SGMS1: variants seen among roughly 807,000 people sequenced by gnomAD.
SGMS1 encodes the protein sphingomyelin synthase 1.
Under a neutral mutation model 46.2 loss-of-function variants are expected in SGMS1, and 13 were observed. The observed-to-expected ratio is 0.28, with a 90% CI of 0.18 to 0.45. SGMS1 has a LOEUF of 0.45. Among genes scored for constraint, SGMS1 ranks in the 20% least tolerant of loss-of-function variants. The pLI, the probability that SGMS1 is intolerant of heterozygous loss-of-function variation, is 1.00. For synonymous variants in SGMS1, 203 were observed against 187.8 expected (o/e 1.08, Z -0.66); for missense variants, 324 against 519.9 (o/e 0.62, Z 3.66).
chr10:50,427,116 C>T (rs190845240), intron 6 of SGMS1, among the ~76,000 whole-genome samples: 2 of 152,220 alleles, frequency 1.3e-5, no homozygotes, highest in East Asian at 1.9e-4. Flanking sequence ...AAAGAACTTA[C>T]GGCCGGGCAC....
intron 6 of SGMS1, among the ~76,000 whole-genome samples, chr10:50,378,071 G>A (rs889116845): frequency 7.9e-5 from 12 of 152,180 alleles, no homozygotes; most frequent in Non-Finnish European, 2.9e-5. Flanking sequence ...AATATTTTCA[G>A]TGATTTTGCT....
chr10:50,511,781 A>G (rs983775951), intron 3 of SGMS1, among the ~76,000 whole-genome samples: 1 of 152,062 alleles, frequency 6.6e-6, no homozygotes, highest in African/African-American at 2.4e-5. Flanking sequence ...TGGCTCTGGC[A>G]TGACCCTCTC....
At chr10:50,326,577 T>G (rs1220682956) in intron 8 of SGMS1, among the ~76,000 whole-genome samples, 1 of 152,242 alleles carries the variant, frequency 6.6e-6, no homozygotes, top group Non-Finnish European at 1.5e-5. Flanking sequence ...GCTAATTATT[T>G]CACAGAGTTC....
intron 2 of SGMS1, among the ~76,000 whole-genome samples, chr10:50,534,706 C>G (rs1190575575): frequency 6.6e-6 from 1 of 152,106 alleles, no homozygotes; most frequent in Non-Finnish European, 1.5e-5. Flanking sequence ...TATATTCATG[C>G]AGAAATGCTT....
At chr10:50,510,610 G>GTTT (rs3054271) in intron 3 of SGMS1, among the ~76,000 whole-genome samples, 29,237 of 149,016 alleles carry the variant, frequency 0.2, 3,142 homozygotes, top group Non-Finnish European at 0.25. Context: ...GTATCTCTGT[G>GTTT]TTTTTTTTTT....
At chr10:50,615,295 C>T (rs1211504084) in intron 1 of SGMS1, among the ~76,000 whole-genome samples, 2 of 152,204 alleles carry the variant, frequency 1.3e-5, no homozygotes, top group East Asian at 1.9e-4. Context: ...GCCTCACACA[C>T]CTCAAGAGAG....
In SGMS1 at chr10:50,591,437, T is replaced by A. The variant is rs116131288; in HGVS notation, c.-683-1190A>T. Among the ~76,000 whole-genome samples the A allele has an allele frequency of 7.9e-3, 1,210 of 152,266 alleles. 15 individuals are homozygous for A. Among genetic ancestry groups the A allele is most frequent in the African/African-American group, 0.028 (1,147 of 41,528 alleles). On this transcript the variant is annotated intron_variant, in intron 1 of 10. Coordinates refer to ENST00000361781, the MANE Select transcript of SGMS1 (RefSeq NM_147156.4). ...CCAGGGAGGCAGCCGGGCACTGCAG[T>A]GTGCTCCCTGAAAGCATATATTCAC...
At chr10:50,566,915 T>TTTTTG (rs1031702316) in intron 2 of SGMS1, among the ~76,000 whole-genome samples, 22 of 152,056 alleles carry the variant, frequency 1.4e-4, no homozygotes, top group Non-Finnish European at 4.4e-5. Flanking sequence ...GTTATACTGG[T>TTTTTG]TTTTGTTTTG....
intron 6 of SGMS1, among the ~76,000 whole-genome samples, chr10:50,431,323 T>G (rs1283064090): frequency 2.0e-5 from 3 of 152,196 alleles, no homozygotes; most frequent in African/African-American, 7.2e-5. Context: ...GAAATGAATG[T>G]TTTACAATTA....
intron 6 of SGMS1, among the ~76,000 whole-genome samples, chr10:50,404,148 A>G (rs1025613600): frequency 1.3e-5 from 2 of 152,136 alleles, no homozygotes. Context: ...CACATGAGTG[A>G]GCAGTTTACA....
chr10:50,590,848 G>A (rs1372957546), intron 1 of SGMS1: 1 of 152,118 alleles, frequency 6.6e-6, no homozygotes, highest in Non-Finnish European at 1.5e-5. Context: ...CTCAGTTCCT[G>A]TCGAATCACA....
chr10:50,614,532 C>T (rs544733395), intron 1 of SGMS1, among the ~76,000 whole-genome samples: 2 of 152,350 alleles, frequency 1.3e-5, no homozygotes, highest in African/African-American at 4.8e-5. Flanking sequence ...ATGACAGTAT[C>T]CAGGAACACA....
chr10:50,308,536 C>T (rs967567220), intron 9 of SGMS1, among the ~76,000 whole-genome samples: 6 of 152,018 alleles, frequency 3.9e-5, no homozygotes, highest in Non-Finnish European at 7.4e-5. Flanking sequence ...CCTTTTGGCC[C>T]ACAGAGCCTA....
At chr10:50,537,454 GATAT>G (rs71457579) in intron 2 of SGMS1, among the ~76,000 whole-genome samples, 29,604 of 147,214 alleles carry the variant, frequency 0.2, 3,860 homozygotes, top group East Asian at 0.64. Flanking sequence ...TATATATATA[GATAT>G]ATATATATTT....
chr10:50,343,200 C>T (rs1204803948), intron 7 of SGMS1: 4 of 266,162 alleles, frequency 1.5e-5, no homozygotes, highest in Non-Finnish European at 2.8e-5. Flanking sequence ...ATAGCCTGTA[C>T]TGTCTGAAGA....
intron 2 of SGMS1, among the ~76,000 whole-genome samples, chr10:50,540,136 G>A (rs577999832): frequency 6.6e-6 from 1 of 152,180 alleles, no homozygotes. Context: ...GGCATGAAAA[G>A]TTTATGCAAC....
At chr10:50,446,413 G>T (rs1278806181) in intron 5 of SGMS1, among the ~76,000 whole-genome samples, 1 of 151,922 alleles carries the variant, frequency 6.6e-6, no homozygotes, top group Non-Finnish European at 1.5e-5. Context: ...CAACACTTAG[G>T]GAAAATAGAA....
At chr10:50,473,367 A>C (rs1837395172) in intron 3 of SGMS1, among the ~76,000 whole-genome samples, 1 of 152,238 alleles carries the variant, frequency 6.6e-6, no homozygotes, top group African/African-American at 2.4e-5. Flanking sequence ...TATGGAGAAT[A>C]AATATCTATT....
In SGMS1 at chr10:50,513,851, C is replaced by G. The variant is rs559141946; in HGVS notation, c.-498+5980G>C. ...CTAGAACTGGGTTATTCTTCAACAACAGGACACTGCCAGGGACCAGCAGAG... is the reference window on the plus strand; with the variant it reads ...CTAGAACTGGGTTATTCTTCAACAAGAGGACACTGCCAGGGACCAGCAGAG... On this transcript the variant is annotated intron_variant, in intron 3 of 10. Transcript: ENST00000361781. 6.6e-5 allele frequency among the ~76,000 whole-genome samples: 10 copies of G among 152,276 alleles called. No homozygotes were observed. In the South Asian group the frequency reaches 1.0e-3, roughly 16 times the overall value.
Sources: gnomAD v4.1 joint callset for allele counts (sites outside exome capture counted in the v4.1 genomes callset) on GRCh38, gnomAD v4.1.1 for gene constraint, MANE v1.5 for transcripts, NCBI Gene and HGNC (gene_info 2026-07-23, HGNC 2026-07-21) for gene names.